CDH8: variants seen among roughly 807,000 people sequenced by gnomAD.
CDH8 encodes cadherin 8.
Under a neutral mutation model 68.1 loss-of-function variants are expected in CDH8, and 17 were observed. The ratio of observed to expected loss-of-function variants is 0.25; its 90% CI spans 0.17 to 0.37. The LOEUF is 0.37. Among genes scored for constraint, CDH8 ranks in the 10% least tolerant of loss-of-function variants. The pLI, the probability that CDH8 is intolerant of heterozygous loss-of-function variation, is 1.00. For synonymous variants in CDH8, 372 were observed against 365.1 expected (o/e 1.02, Z -0.21); for missense variants, 763 against 999.3 (o/e 0.76, Z 3.19).
intron 2 of CDH8, among the ~76,000 whole-genome samples, chr16:61,998,844 G>C (rs1342268827): frequency 1.3e-5 from 2 of 152,002 alleles, no homozygotes. Flanking sequence ...TGTAAGACTA[G>C]ATATTTTATT....
At chr16:61,798,962 A>AAGTTC (rs1961558759) in intron 7 of CDH8, among the ~76,000 whole-genome samples, 1 of 152,210 alleles carries the variant, frequency 6.6e-6, no homozygotes, top group African/African-American at 2.4e-5. Flanking sequence ...TGGAATCCGG[A>AAGTTC]AGTTCTGGTG....
chr16:61,883,366 A>T (rs1420563226), intron 3 of CDH8, among the ~76,000 whole-genome samples: 3 of 152,106 alleles, frequency 2.0e-5, no homozygotes, highest in Non-Finnish European at 4.4e-5. Flanking sequence ...ATAGTACTGT[A>T]TGTGTTTAAC....
intron 10 of CDH8, among the ~76,000 whole-genome samples, chr16:61,670,655 T>C (rs573015744): frequency 2.9e-4 from 44 of 152,190 alleles, no homozygotes; most frequent in Non-Finnish European, 4.6e-4. Context: ...TAAATACCTA[T>C]ACATACTAAG....
chr16:61,744,758 T>C (rs115923103), intron 8 of CDH8, among the ~76,000 whole-genome samples: 1,600 of 151,470 alleles, frequency 0.011, 23 homozygotes, highest in African/African-American at 0.035. Context: ...TATCCTTGAT[T>C]CATTAAAGTA....
intron 1 of CDH8, among the ~76,000 whole-genome samples, chr16:62,024,690 G>C (rs1161038582): frequency 6.6e-6 from 1 of 152,148 alleles, no homozygotes; most frequent in East Asian, 1.9e-4. Context: ...GTGTAGTCAC[G>C]AATAGTATCC....
At chr16:61,751,809 A>G (rs1410979031) in intron 8 of CDH8, among the ~76,000 whole-genome samples, 1 of 152,102 alleles carries the variant, frequency 6.6e-6, no homozygotes, top group Non-Finnish European at 1.5e-5. Context: ...ATATTTGAAG[A>G]TGTCTAAGAA....
chr16:61,918,047 G>C (rs954519014), intron 2 of CDH8, among the ~76,000 whole-genome samples: 15 of 115,518 alleles, frequency 1.3e-4, no homozygotes, highest in Non-Finnish European at 1.8e-4. Context: ...TGCCACCTTA[G>C]TACCAATCAA....
chr16:61,864,982 A>G (rs1963225841), intron 3 of CDH8, among the ~76,000 whole-genome samples: 2 of 152,118 alleles, frequency 1.3e-5, no homozygotes, highest in Admixed American at 6.6e-5. Context: ...CTCTTTTATG[A>G]CACATACCAC....
intron 8 of CDH8, among the ~76,000 whole-genome samples, chr16:61,728,649 T>C (rs1959446732): frequency 6.6e-6 from 1 of 151,190 alleles, no homozygotes; most frequent in African/African-American, 2.4e-5. Flanking sequence ...TTTTATCCTT[T>C]ATCTATTCAA....
At chr16:61,801,356 G>A (rs530159378) in intron 7 of CDH8, among the ~76,000 whole-genome samples, 4 of 152,156 alleles carry the variant, frequency 2.6e-5, no homozygotes, top group Non-Finnish European at 5.9e-5. Flanking sequence ...TTATCTAAGG[G>A]AAGACACTGT....
At chr16:61,875,220 C>G (rs1277358363) in intron 3 of CDH8, among the ~76,000 whole-genome samples, 1 of 151,846 alleles carries the variant, frequency 6.6e-6, no homozygotes, top group Non-Finnish European at 1.5e-5. Flanking sequence ...GGCAAATGTT[C>G]TGGTAACACC....
At chr16:61,735,971 G>C (rs1291733558) in intron 8 of CDH8, among the ~76,000 whole-genome samples, 1 of 151,966 alleles carries the variant, frequency 6.6e-6, no homozygotes, top group Non-Finnish European at 1.5e-5. Flanking sequence ...TATTCTGGAG[G>C]CTGAGGCAAG....
chr16:61,830,459 G>C (rs927674628), intron 4 of CDH8, among the ~76,000 whole-genome samples: 1 of 151,802 alleles, frequency 6.6e-6, no homozygotes, highest in African/African-American at 2.4e-5. Flanking sequence ...AAAAGCCAGA[G>C]AGAGGATTCT....
intron 4 of CDH8, among the ~76,000 whole-genome samples, chr16:61,843,026 G>GGA (rs1224121275): frequency 6.6e-6 from 1 of 152,028 alleles, no homozygotes; most frequent in African/African-American, 2.4e-5. Flanking sequence ...TGCTGGAGGT[G>GGA]GATGGGCTAA....
intron 2 of CDH8, among the ~76,000 whole-genome samples, chr16:61,907,500 G>A (rs1370450306): frequency 1.3e-5 from 2 of 151,924 alleles, no homozygotes; most frequent in African/African-American, 4.8e-5. Context: ...GCAACAAAGT[G>A]AGACCCTGTA....
chr16:61,862,244 C>G (rs1753890731), intron 3 of CDH8, among the ~76,000 whole-genome samples: 1 of 151,896 alleles, frequency 6.6e-6, no homozygotes, highest in Admixed American at 6.6e-5. Context: ...TATAAAATTG[C>G]TCTGAGAGCA....
At chr16:61,743,687 T>A (rs1044445073) in intron 8 of CDH8, among the ~76,000 whole-genome samples, 8 of 152,226 alleles carry the variant, frequency 5.3e-5, no homozygotes, top group Non-Finnish European at 1.0e-4. Flanking sequence ...ACCTTTCTGC[T>A]ACTTTTTAAT....
chr16:61,818,408 T>C lies in CDH8; in HGVS notation c.1024-676A>G, dbSNP rs1167714502. Among the ~76,000 whole-genome samples, 4 of 152,178 alleles carry C rather than the reference T, an allele frequency of 2.6e-5. No homozygotes were observed. The South Asian group carries it at 6.2e-4, about 24-fold the overall frequency. On this transcript the variant is annotated intron_variant, in intron 6 of 11. Coordinates refer to ENST00000577390, the MANE Select transcript of CDH8 (RefSeq NM_001796.5). ...AGAAATATGTGCACCGATACATATG[T>C]ATGTACTTGTGTTTATATTTAGAAG...
intron 3 of CDH8, 105 bp from the exon 4 acceptor site, chr16:61,857,343 A>T (rs556327932): frequency 3.1e-6 from 3 of 964,032 alleles, no homozygotes; most frequent in Admixed American, 5.5e-5. Flanking sequence ...GTAGGGAATA[A>T]AAGGAAAAGA....
Sources: gnomAD v4.1 joint callset for allele counts (sites outside exome capture counted in the v4.1 genomes callset) on GRCh38, gnomAD v4.1.1 for gene constraint, MANE v1.5 for transcripts, NCBI Gene and HGNC (gene_info 2026-07-23, HGNC 2026-07-21) for gene names.